KCNIP4: variants seen among roughly 807,000 people sequenced by gnomAD.
The protein encoded by KCNIP4 is potassium voltage-gated channel interacting protein 4, also known as Kv channel-interacting protein 4.
Under a neutral mutation model 34.0 loss-of-function variants are expected in KCNIP4, and 12 were observed. The ratio of observed to expected loss-of-function variants is 0.35; its 90% CI spans 0.23 to 0.57. KCNIP4 has a LOEUF of 0.57. KCNIP4 is among the 20% of genes least tolerant of loss of function. The pLI, the probability that KCNIP4 is intolerant of heterozygous loss-of-function variation, is 0.83. For missense variants in KCNIP4, 238 were observed against 311.7 expected (o/e 0.76, Z 1.78); for synonymous variants, 124 against 102.2 (o/e 1.21, Z -1.29).
intron 1 of KCNIP4, among the ~76,000 whole-genome samples, chr4:20,956,648 A>G (rs1733338095): frequency 6.6e-6 from 1 of 152,238 alleles, no homozygotes; most frequent in African/African-American, 2.4e-5. Context: ...AGAGGAATCT[A>G]AGCAAGAAAA....
intron 3 of KCNIP4, among the ~76,000 whole-genome samples, chr4:20,785,334 T>C (rs1578613813): frequency 6.6e-6 from 1 of 151,444 alleles, no homozygotes; most frequent in African/African-American, 2.4e-5. Flanking sequence ...TTTTCTTTTT[T>C]TTTTTTTTTG....
At chr4:21,716,186 G>A (rs568990365) in intron 1 of KCNIP4, among the ~76,000 whole-genome samples, 6 of 152,130 alleles carry the variant, frequency 3.9e-5, no homozygotes, top group South Asian at 2.1e-4. Context: ...CCAAGTCTAT[G>A]AGCAAAGTGA....
intron 1 of KCNIP4, among the ~76,000 whole-genome samples, chr4:21,598,200 A>G (rs1216546970): frequency 6.6e-6 from 1 of 152,122 alleles, no homozygotes; most frequent in Non-Finnish European, 1.5e-5. Flanking sequence ...ATTTTGTAAG[A>G]TTGATTTTAT....
At chr4:21,828,887 A>T (rs1349727245) in intron 1 of KCNIP4, among the ~76,000 whole-genome samples, 1 of 152,016 alleles carries the variant, frequency 6.6e-6, no homozygotes, top group Non-Finnish European at 1.5e-5. Flanking sequence ...ATGTTGCCCA[A>T]TGAGAGCTTT....
chr4:21,100,188 G>T (rs1481072556), intron 1 of KCNIP4, among the ~76,000 whole-genome samples: 1 of 152,182 alleles, frequency 6.6e-6, no homozygotes, highest in Non-Finnish European at 1.5e-5. Context: ...AGACAGCATT[G>T]CATGCAACGG....
intron 1 of KCNIP4, among the ~76,000 whole-genome samples, chr4:21,392,689 A>G (rs1016342783): frequency 6.6e-6 from 1 of 152,236 alleles, no homozygotes; most frequent in Non-Finnish European, 1.5e-5. Flanking sequence ...ATTTAGCCAA[A>G]CAATCTAATA....
intron 1 of KCNIP4, among the ~76,000 whole-genome samples, chr4:21,186,855 C>T (rs536627265): frequency 2.4e-4 from 37 of 152,160 alleles, no homozygotes; most frequent in African/African-American, 8.4e-4. Flanking sequence ...TACTATGTTG[C>T]CCAGGCTGAT....
At chr4:21,212,066 T>G (rs1217286261) in intron 1 of KCNIP4, among the ~76,000 whole-genome samples, 7 of 152,188 alleles carry the variant, frequency 4.6e-5, no homozygotes, top group African/African-American at 1.7e-4. Flanking sequence ...TTCCATAAAT[T>G]GCCTCAGTGA....
chr4:21,236,376 A>C (rs1479269445), intron 1 of KCNIP4, among the ~76,000 whole-genome samples: 5 of 152,152 alleles, frequency 3.3e-5, no homozygotes, highest in African/African-American at 1.2e-4. Flanking sequence ...TATTGATACA[A>C]CCACTTTACT....
At chr4:21,898,577 C>A (rs565718563) in intron 1 of KCNIP4, among the ~76,000 whole-genome samples, 11 of 152,246 alleles carry the variant, frequency 7.2e-5, no homozygotes, top group African/African-American at 2.2e-4. Context: ...AGAGCCAGTC[C>A]TGGCAGGATT....
chr4:20,828,245 G>A (rs1452951716), intron 3 of KCNIP4, among the ~76,000 whole-genome samples: 1 of 152,068 alleles, frequency 6.6e-6, no homozygotes, highest in Admixed American at 6.6e-5. Flanking sequence ...TGGCCAACAT[G>A]GTGAAACCCT....
chr4:20,876,466 C>T (rs113885606), intron 2 of KCNIP4, among the ~76,000 whole-genome samples: 1 of 152,216 alleles, frequency 6.6e-6, no homozygotes, highest in African/African-American at 2.4e-5. Context: ...TTAAGTCATC[C>T]ATAAAGTAGC....
chr4:20,768,988 T>G (rs1755642555), intron 3 of KCNIP4, among the ~76,000 whole-genome samples: 1 of 147,752 alleles, frequency 6.8e-6, no homozygotes, highest in African/African-American at 2.5e-5. Flanking sequence ...GAAGCAGAAA[T>G]CCAAGGTACT....
intron 1 of KCNIP4, among the ~76,000 whole-genome samples, chr4:21,512,707 T>C (rs1734436710): frequency 1.3e-5 from 2 of 152,196 alleles, no homozygotes; most frequent in South Asian, 4.1e-4. Context: ...AACAAGCATC[T>C]TATGTTTGCT....
chr4:20,760,657 G>A (rs1754883225), intron 3 of KCNIP4, among the ~76,000 whole-genome samples: 1 of 152,124 alleles, frequency 6.6e-6, no homozygotes, highest in Non-Finnish European at 1.5e-5. Context: ...ATTCACAGAG[G>A]CAGAACTGGA....
chr4:21,454,159 T>C (rs2109752323), intron 1 of KCNIP4, among the ~76,000 whole-genome samples: 1 of 152,134 alleles, frequency 6.6e-6, no homozygotes, highest in African/African-American at 2.4e-5. Flanking sequence ...AAGCTAAAAA[T>C]CCCATTTTAA....
chr4:21,093,883 C>T (rs944831950), intron 1 of KCNIP4, among the ~76,000 whole-genome samples: 4 of 152,024 alleles, frequency 2.6e-5, no homozygotes, highest in Non-Finnish European at 5.9e-5. Context: ...GAGATCGAGA[C>T]CATCCTGACT....
In KCNIP4 at chr4:21,087,335, C is replaced by A. The variant is rs148477276; in HGVS notation, c.62-204626G>T. 3.3e-4 allele frequency among the ~76,000 whole-genome samples: 50 copies of A among 152,204 alleles called. 1 individual carries two copies. The East Asian group carries it at 9.3e-3, about 28-fold the overall frequency. Reference sequence around the variant, plus strand: ...GGAACTACAGCCATGTGCCACCACACCTGGCTAATTTTTTGCATTTTTAGT... The same window carrying A: ...GGAACTACAGCCATGTGCCACCACAACTGGCTAATTTTTTGCATTTTTAGT... On this transcript the variant is annotated intron_variant, in intron 1 of 8. Coordinates refer to ENST00000382152, the MANE Select transcript of KCNIP4 (RefSeq NM_025221.6).
At chr4:21,626,952 C>T (rs1302843863) in intron 1 of KCNIP4, among the ~76,000 whole-genome samples, 1 of 152,088 alleles carries the variant, frequency 6.6e-6, no homozygotes, top group Non-Finnish European at 1.5e-5. Context: ...ATTTTAAAAT[C>T]CCACTAAGAA....
Sources: gnomAD v4.1 joint callset for allele counts (sites outside exome capture counted in the v4.1 genomes callset) on GRCh38, gnomAD v4.1.1 for gene constraint, MANE v1.5 for transcripts, NCBI Gene and HGNC (gene_info 2026-07-23, HGNC 2026-07-21) for gene names.